Variants in DIAPH2 observed in about 807,000 individuals in gnomAD.
DIAPH2 encodes the protein diaphanous related formin 2.
Under a neutral mutation model 92.7 loss-of-function variants are expected in DIAPH2, and 35 were observed. The ratio of observed to expected loss-of-function variants is 0.38; its 90% CI spans 0.29 to 0.50. The LOEUF is 0.50. Among genes scored for constraint, DIAPH2 ranks in the 20% least tolerant of loss-of-function variants. The probability of loss-of-function intolerance (pLI) is 0.94; values close to 1 mark genes in which losing one functional copy is unlikely to be tolerated. For synonymous variants in DIAPH2, 301 were observed against 280.4 expected, an observed-to-expected ratio of 1.07 and a Z score of -0.73; for missense variants, 701 against 819.5, an observed-to-expected ratio of 0.86 and a Z score of 1.77.
intron 4 of DIAPH2, among the ~76,000 whole-genome samples, chrX:96,850,980 C>G (rs1352789342): frequency 8.9e-6 from 1 of 111,886 alleles, no homozygotes; most frequent in Non-Finnish European, 1.9e-5. Context: ...CTTTTTCCCC[C>G]CATTCTACAG....
rs747527873 is a variant in DIAPH2, at chrX:97,025,460, G to A, written c.2051-47481G>A. ...AGGTCAGGAAATTGAGACCATCCTGGCTAACACGGTGAAACCCCGTATCTA... is the reference window on the plus strand; with the variant it reads ...AGGTCAGGAAATTGAGACCATCCTGACTAACACGGTGAAACCCCGTATCTA... On this transcript the variant is annotated intron_variant, in intron 17 of 26. Transcript: ENST00000324765. Among the ~76,000 whole-genome samples the A allele has an allele frequency of 3.6e-5, 4 of 109,595 alleles. No individual in the cohort carries two copies. In the South Asian group the frequency reaches 1.6e-3, roughly 44 times the overall value.
chrX:97,585,305 T>C (rs187903815), intron 26 of DIAPH2, among the ~76,000 whole-genome samples: 2 of 108,671 alleles, frequency 1.8e-5, no homozygotes, highest in Non-Finnish European at 3.8e-5. Context: ...AATTACATCA[T>C]GTAATTAATA....
chrX:97,047,184 A>C (rs2066489451), intron 17 of DIAPH2, among the ~76,000 whole-genome samples: 1 of 111,441 alleles, frequency 9.0e-6, no homozygotes, highest in African/African-American at 3.3e-5. Flanking sequence ...TATGCTACCT[A>C]ATACTTATTT....
chrX:96,978,139 T>C (rs765294753), intron 17 of DIAPH2, among the ~76,000 whole-genome samples: 1 of 112,093 alleles, frequency 8.9e-6, no homozygotes, highest in East Asian at 2.8e-4. Context: ...TTGCATGATA[T>C]AAGAAGAATA....
chrX:97,120,346 A>G (rs751457317), intron 21 of DIAPH2, among the ~76,000 whole-genome samples: 112 of 110,680 alleles, frequency 1.0e-3, no homozygotes, highest in Non-Finnish European at 1.7e-3. Context: ...TCGGTGGTGG[A>G]GGATCTCCCT....
chrX:96,763,524 G>A (rs1332961982), intron 4 of DIAPH2, among the ~76,000 whole-genome samples: 3 of 111,451 alleles, frequency 2.7e-5, no homozygotes, highest in Non-Finnish European at 3.8e-5. Flanking sequence ...TGAGCACATA[G>A]AGTAATGAAA....
At chrX:97,537,031 A>T (rs2071101544) in intron 26 of DIAPH2, among the ~76,000 whole-genome samples, 1 of 111,686 alleles carries the variant, frequency 9.0e-6, no homozygotes, top group Non-Finnish European at 1.9e-5. Flanking sequence ...AATAGAGGTA[A>T]AACTGAATTA....
chrX:97,282,875 T>C (rs1466464085), intron 23 of DIAPH2, among the ~76,000 whole-genome samples: 1 of 111,940 alleles, frequency 8.9e-6, no homozygotes, highest in Non-Finnish European at 1.9e-5. Context: ...AAAAAGATCA[T>C]GATTTGCATC....
At chrX:96,689,980 G>A (rs1306237401) in intron 1 of DIAPH2, among the ~76,000 whole-genome samples, 7 of 105,874 alleles carry the variant, frequency 6.6e-5, no homozygotes, top group Non-Finnish European at 1.4e-4. Flanking sequence ...ATGTTTATTT[G>A]TATGTGCCTT....
intron 23 of DIAPH2, among the ~76,000 whole-genome samples, chrX:97,322,854 A>G (rs1256746233): frequency 4.6e-5 from 5 of 109,523 alleles, no homozygotes; most frequent in African/African-American, 1.7e-4. Context: ...ATATTCCTAC[A>G]AGTACAAATA....
chrX:97,112,772 T>C (rs1260907705), intron 20 of DIAPH2, among the ~76,000 whole-genome samples: 227 of 64,888 alleles, frequency 3.5e-3, no homozygotes, highest in African/African-American at 0.015. Context: ...TTTCTTTTTT[T>C]TTTTTTTTTT....
chrX:96,898,385 C>G (rs1392284988), intron 5 of DIAPH2, among the ~76,000 whole-genome samples: 1 of 93,875 alleles, frequency 1.1e-5, no homozygotes, highest in African/African-American at 3.6e-5. Context: ...TCTCCAGCAC[C>G]TGTTGTTTCC....
intron 21 of DIAPH2, among the ~76,000 whole-genome samples, chrX:97,129,877 T>C (rs1205566435): frequency 9.1e-6 from 1 of 109,983 alleles, no homozygotes; most frequent in Non-Finnish European, 1.9e-5. Context: ...AAGTGATTGA[T>C]ATCCGTAATA....
chrX:96,862,742 A>G (rs1319566819), intron 4 of DIAPH2, among the ~76,000 whole-genome samples: 1 of 111,958 alleles, frequency 8.9e-6, no homozygotes, highest in Non-Finnish European at 1.9e-5. Context: ...CCATTAAAAC[A>G]ATGCCATCAC....
intron 22 of DIAPH2, among the ~76,000 whole-genome samples, chrX:97,218,729 A>G (rs1452714409): frequency 1.8e-5 from 2 of 111,900 alleles, no homozygotes. Context: ...ATATTTGCAT[A>G]CAATCTAAGC....
chrX:97,431,249 A>G (rs1222876605), intron 26 of DIAPH2: 2 of 112,406 alleles, frequency 1.8e-5, no homozygotes, highest in Non-Finnish European at 3.7e-5. Context: ...TTGAACTATC[A>G]GAGCAATAGT....
intron 23 of DIAPH2, among the ~76,000 whole-genome samples, chrX:97,326,916 A>AT (rs764620597): frequency 7.1e-5 from 8 of 111,927 alleles, no homozygotes; most frequent in Non-Finnish European, 1.5e-4. Flanking sequence ...ACAGGAGCAG[A>AT]TTAAAAGTAT....
chrX:97,011,306 C>T (rs1448235559), intron 17 of DIAPH2, among the ~76,000 whole-genome samples: 2 of 111,762 alleles, frequency 1.8e-5, no homozygotes, highest in Non-Finnish European at 3.8e-5. Flanking sequence ...AGTCCTTGCT[C>T]GCTTCATTTG....
At chrX:97,001,951 CA>C (rs1438293749) in intron 17 of DIAPH2, among the ~76,000 whole-genome samples, 7 of 109,884 alleles carry the variant, frequency 6.4e-5, no homozygotes, top group African/African-American at 2.0e-4. Context: ...TTCTTGAAAA[CA>C]GAATGAGCAT....
Sources: allele counts gnomAD v4.1 joint callset (sites outside exome capture counted in the v4.1 genomes callset), GRCh38; gene constraint gnomAD v4.1.1; transcripts MANE v1.5; gene names NCBI Gene and HGNC (gene_info 2026-07-23, HGNC 2026-07-21).